Variants in SLC71A2 observed in about 807,000 individuals in gnomAD.
SLC71A2 encodes the protein hippocampus abundant transcript-like 1.
At chr9:94,451,416 A>G in the SLC71A2 span, 1 of 955,524 alleles carries the variant, frequency 1.0e-6, no homozygotes, top group South Asian at 1.9e-5. Context: ...TTATTTTATA[A>G]TATCTATATT....
chr9:94,401,259 C>T, the SLC71A2 span, among the ~76,000 whole-genome samples: 1 of 152,126 alleles, frequency 6.6e-6, no homozygotes, highest in African/African-American at 2.4e-5. Flanking sequence ...CAACCTCCGC[C>T]TTCCGATTTC....
chr9:94,387,512 CATG>C, the SLC71A2 span, among the ~76,000 whole-genome samples: 11 of 152,092 alleles, frequency 7.2e-5, no homozygotes, highest in South Asian at 2.3e-3. Flanking sequence ...CATCAATTCT[CATG>C]ATAGTTTTGA....
chr9:94,458,327 G>T, the SLC71A2 span: 1 of 1,606,842 alleles, frequency 6.2e-7, no homozygotes, highest in Non-Finnish European at 8.5e-7. Flanking sequence ...TTTAGGAGTT[G>T]CCCAGGGGAT....
At chr9:94,453,133 CAT>C in the SLC71A2 span, among the ~76,000 whole-genome samples, 5 of 148,244 alleles carry the variant, frequency 3.4e-5, no homozygotes, top group South Asian at 6.4e-4. Context: ...CAAAATCAAA[CAT>C]AAACTCAGCC....
the SLC71A2 span, among the ~76,000 whole-genome samples, chr9:94,416,119 T>C: frequency 9.9e-5 from 15 of 152,240 alleles, no homozygotes; most frequent in Non-Finnish European, 1.9e-4. Context: ...AAAGAAAAGA[T>C]GACGGGGGCA....
At chr9:94,429,771 T>C in the SLC71A2 span, among the ~76,000 whole-genome samples, 9 of 152,096 alleles carry the variant, frequency 5.9e-5, no homozygotes, top group African/African-American at 2.2e-4. Flanking sequence ...TCGCCAGCGG[T>C]GCTGCATTTA....
the SLC71A2 span, chr9:94,453,836 C>T: frequency 3.0e-6 from 2 of 673,738 alleles, no homozygotes; most frequent in Non-Finnish European, 2.7e-6. Context: ...TCTGAGGTTG[C>T]AGGTCAGGCA....
chr9:94,402,363 G>A, the SLC71A2 span, among the ~76,000 whole-genome samples: 5 of 151,802 alleles, frequency 3.3e-5, no homozygotes, highest in South Asian at 2.1e-4. Context: ...ATACATTCAC[G>A]TACCATACAG....
the SLC71A2 span, among the ~76,000 whole-genome samples, chr9:94,453,495 T>C: frequency 1.3e-5 from 2 of 152,198 alleles, no homozygotes; most frequent in African/African-American, 2.4e-5. Flanking sequence ...TCTCAACTAG[T>C]TATATTTAGC....
chr9:94,427,798 G>C, the SLC71A2 span, among the ~76,000 whole-genome samples: 1 of 146,970 alleles, frequency 6.8e-6, no homozygotes, highest in South Asian at 2.2e-4. Flanking sequence ...ATAGAAGGGA[G>C]AATGTGGGAC....
At chr9:94,380,375 A>G in the SLC71A2 span, among the ~76,000 whole-genome samples, 1 of 147,040 alleles carries the variant, frequency 6.8e-6, no homozygotes, top group African/African-American at 2.5e-5. Flanking sequence ...ACAAGTGGTT[A>G]TGAAATCTTA....
the SLC71A2 span, chr9:94,460,387 GC>G: frequency 6.6e-6 from 1 of 152,488 alleles, no homozygotes. Flanking sequence ...TGCCTTAACT[GC>G]TCTGAGTATG....
At chr9:94,433,147 C>T in the SLC71A2 span, 3 of 276,894 alleles carry the variant, frequency 1.1e-5, no homozygotes, top group East Asian at 8.9e-5. Flanking sequence ...AGCAGCTTGC[C>T]GTGCAGGCCA....
At chr9:94,423,265 CTT>C in the SLC71A2 span, among the ~76,000 whole-genome samples, 50 of 140,126 alleles carry the variant, frequency 3.6e-4, no homozygotes, top group East Asian at 4.1e-4. Context: ...CTCTCTCTCT[CTT>C]TTTTTTTTTT....
chr9:94,455,378 A>ATTTTTTTTTTTTTTTTTTT, the SLC71A2 span, among the ~76,000 whole-genome samples: 6 of 85,776 alleles, frequency 7.0e-5, no homozygotes, highest in Non-Finnish European at 1.2e-4. Context: ...TAATATTCTG[A>ATTTTTTTTTTTTTTTTTTT]TTTTTTTTTT....
chr9:94,444,888 C>G, the SLC71A2 span: 5 of 1,392,618 alleles, frequency 3.6e-6, no homozygotes, highest in Admixed American at 8.6e-5. Context: ...CTGCAGCAGG[C>G]AGACCTGGGT....
At chr9:94,450,019 T>C in the SLC71A2 span, among the ~76,000 whole-genome samples, 7 of 152,158 alleles carry the variant, frequency 4.6e-5, no homozygotes, top group South Asian at 2.1e-4. Flanking sequence ...GGCAAATCCA[T>C]AGGGACAGGA....
the SLC71A2 span, among the ~76,000 whole-genome samples, chr9:94,443,176 G>A: frequency 1.3e-5 from 2 of 152,062 alleles, no homozygotes; most frequent in African/African-American, 4.8e-5. Flanking sequence ...CTCCAGCTCA[G>A]CTCCTCATTG....
At chr9:94,376,160 G>A in the SLC71A2 span, among the ~76,000 whole-genome samples, 3 of 150,748 alleles carry the variant, frequency 2.0e-5, no homozygotes, top group African/African-American at 7.3e-5. Context: ...CTTCCTGCTT[G>A]CTACACAAAA....
Sources: gnomAD v4.1 joint callset for allele counts (sites outside exome capture counted in the v4.1 genomes callset) on GRCh38, gnomAD v4.1.1 for gene constraint, MANE v1.5 for transcripts, NCBI Gene and HGNC (gene_info 2026-07-23, HGNC 2026-07-21) for gene names.